MCC: variants seen among roughly 807,000 people sequenced by gnomAD.
MCC encodes MCC regulator of Wnt signaling pathway, also known as colorectal mutant cancer protein.
MCC carries 90 observed loss-of-function variants against 116.2 expected under a neutral mutation model. The observed-to-expected ratio is 0.77, with a 90% CI of 0.65 to 0.92. The LOEUF (loss-of-function observed/expected upper bound fraction) is 0.92, where lower values mean the gene tolerates loss of function less well. Ranked by LOEUF, MCC falls within the 40% of genes least tolerant of loss-of-function variation. The probability of loss-of-function intolerance (pLI) is 0.00; values close to 1 mark genes in which losing one functional copy is unlikely to be tolerated. For synonymous variants in MCC, 578 were observed against 510.5 expected, an observed-to-expected ratio of 1.13 and a Z score of -1.78; for missense variants, 1,516 against 1,312.2, an observed-to-expected ratio of 1.16 and a Z score of -2.40.
At chr5:113,226,163 T>TAAAC (rs748179460) in intron 3 of MCC, among the ~76,000 whole-genome samples, 34 of 152,324 alleles carry the variant, frequency 2.2e-4, no homozygotes, top group African/African-American at 4.8e-4. Flanking sequence ...GCTCTGTCTC[T>TAAAC]AAACAAACAA....
intron 5 of MCC, among the ~76,000 whole-genome samples, chr5:113,139,868 T>G (rs1759077678): frequency 6.6e-6 from 1 of 152,106 alleles, no homozygotes. Flanking sequence ...ACTATAGGTG[T>G]GCACCACCAT....
At position 113,080,817 on chromosome 5, in the gene MCC, A is replaced by G. The variant is rs1481230340; in HGVS notation, c.1784+2043T>C. ...TAAAGTATAATTAACAACAACAACA[A>G]AAAAAAAAAAGAAAAGAAAAAAGAA... is the stretch of plus-strand genomic sequence containing the variant. On this transcript the variant is annotated intron_variant, in intron 11 of 18. Transcript: ENST00000408903. Among the ~76,000 whole-genome samples, 8 of 143,398 alleles carry G rather than the reference A, an allele frequency of 5.6e-5. No individual in the cohort carries two copies. The East Asian group carries it at 1.6e-3, about 28-fold the overall frequency. 94.1% of individuals were successfully genotyped at this position (143,398 alleles called of 152,430 possible). A position where few individuals can be genotyped will look rare whatever the true frequency, so the allele number is the denominator to read the frequency against.
At chr5:113,471,110 T>G (rs1173254985) in intron 1 of MCC, among the ~76,000 whole-genome samples, 1 of 142,070 alleles carries the variant, frequency 7.0e-6, no homozygotes, top group East Asian at 2.1e-4. Context: ...TTTAACTTCT[T>G]TGCCATTGGT....
intron 6 of MCC, among the ~76,000 whole-genome samples, chr5:113,113,397 GAA>G (rs1757210933): frequency 6.6e-6 from 1 of 152,076 alleles, no homozygotes; most frequent in East Asian, 1.9e-4. Context: ...TTAGAAAACA[GAA>G]TAGTCAACTT....
chr5:113,445,092 T>C (rs1314191045), intron 1 of MCC, among the ~76,000 whole-genome samples: 2 of 152,212 alleles, frequency 1.3e-5, no homozygotes, highest in African/African-American at 2.4e-5. Context: ...TCTCTCCATC[T>C]TGGAGTATGG....
chr5:113,029,173 G>A, intron 17 of MCC, 117 bp from the exon 18 acceptor site: 1 of 1,002,222 alleles, frequency 1.0e-6, no homozygotes, highest in East Asian at 2.7e-5. Context: ...CTAAAGGCAA[G>A]GGAGAGAAAA....
At chr5:113,168,182 A>G (rs757941655) in intron 3 of MCC, among the ~76,000 whole-genome samples, 3 of 152,216 alleles carry the variant, frequency 2.0e-5, no homozygotes, top group Non-Finnish European at 4.4e-5. Flanking sequence ...AACCAAGGGC[A>G]TGCCACAACA....
chr5:113,383,754 A>T (rs1439447641), intron 2 of MCC, among the ~76,000 whole-genome samples: 2 of 152,142 alleles, frequency 1.3e-5, no homozygotes, highest in East Asian at 3.8e-4. Flanking sequence ...ATTACCAGAC[A>T]TCTGATTTGC....
chr5:113,452,861 T>C (rs1771440979), intron 1 of MCC, among the ~76,000 whole-genome samples: 1 of 152,184 alleles, frequency 6.6e-6, no homozygotes, highest in South Asian at 2.1e-4. Flanking sequence ...CCACTGCCAG[T>C]TTGCCTTTAT....
At chr5:113,087,754 C>G (rs767602663) in intron 8 of MCC, among the ~76,000 whole-genome samples, 19 of 150,966 alleles carry the variant, frequency 1.3e-4, no homozygotes, top group Non-Finnish European at 2.2e-4. Context: ...CTTAGAATCC[C>G]TACTGGCCTA....
intron 3 of MCC, among the ~76,000 whole-genome samples, chr5:113,230,023 G>C (rs1171123499): frequency 6.6e-6 from 1 of 152,216 alleles, no homozygotes; most frequent in Non-Finnish European, 1.5e-5. Context: ...TCTAGCTAAT[G>C]TGTAGTCAAA....
intron 8 of MCC, among the ~76,000 whole-genome samples, chr5:113,090,015 A>C (rs1755485132): frequency 6.6e-6 from 1 of 152,204 alleles, no homozygotes; most frequent in Non-Finnish European, 1.5e-5. Flanking sequence ...TCAGTCAACA[A>C]TTAGAGATGT....
At chr5:113,088,311 T>C (rs1266338383) in intron 8 of MCC, among the ~76,000 whole-genome samples, 1 of 151,922 alleles carries the variant, frequency 6.6e-6, no homozygotes, top group African/African-American at 2.4e-5. Flanking sequence ...CTAAAGCCAA[T>C]ATGCTGAGTC....
At chr5:113,208,035 T>A (rs2150322254) in intron 3 of MCC, among the ~76,000 whole-genome samples, 1 of 152,206 alleles carries the variant, frequency 6.6e-6, no homozygotes, top group Non-Finnish European at 1.5e-5. Flanking sequence ...GTAGCACAGA[T>A]AATAATCCCA....
chr5:113,305,715 TAC>T (rs769663043), intron 3 of MCC, among the ~76,000 whole-genome samples: 18 of 152,342 alleles, frequency 1.2e-4, no homozygotes, highest in Middle Eastern at 3.4e-3. Context: ...TTCTCCAAAG[TAC>T]AGTTTTCCGT....
intron 3 of MCC, among the ~76,000 whole-genome samples, chr5:113,230,689 T>A: frequency 6.6e-6 from 1 of 152,204 alleles, no homozygotes. Context: ...GGATACAAGT[T>A]AATGTACTAT....
At chr5:113,110,728 G>C (rs1471446125) in intron 6 of MCC, among the ~76,000 whole-genome samples, 2 of 152,244 alleles carry the variant, frequency 1.3e-5, no homozygotes, top group Admixed American at 1.3e-4. Context: ...TTGGCCAGCA[G>C]ATGCAAACCA....
intron 8 of MCC, among the ~76,000 whole-genome samples, chr5:113,087,797 TA>T (rs146528308): frequency 1.3e-3 from 197 of 149,642 alleles, no homozygotes; most frequent in African/African-American, 4.1e-3. Context: ...TATCTCTATT[TA>T]AAAAAAAATA....
chr5:113,474,488 G>T (rs1170904322), intron 1 of MCC, among the ~76,000 whole-genome samples: 1 of 152,196 alleles, frequency 6.6e-6, no homozygotes, highest in East Asian at 1.9e-4. Context: ...ATGCTGGAGG[G>T]GGAGTGGAGT....
Sources: allele counts gnomAD v4.1 joint callset (sites outside exome capture counted in the v4.1 genomes callset), GRCh38; gene constraint gnomAD v4.1.1; transcripts MANE v1.5; gene names NCBI Gene and HGNC (gene_info 2026-07-23, HGNC 2026-07-21).